Variants in ZCCHC7 observed in about 807,000 individuals in gnomAD.
The protein encoded by ZCCHC7 is zinc finger CCHC-type containing 7, also known as zinc finger CCHC domain-containing protein 7.
A neutral mutation model predicts 52.0 loss-of-function variants in ZCCHC7; 35 were observed. That is an observed-to-expected ratio of 0.67 (90% CI 0.51 to 0.89). ZCCHC7 has a LOEUF of 0.89. Ranked by LOEUF, ZCCHC7 falls within the 40% of genes least tolerant of loss-of-function variation. ZCCHC7 has a pLI of 0.00. For missense variants in ZCCHC7, 574 were observed against 649.1 expected, an observed-to-expected ratio of 0.88 and a Z score of 1.26; for synonymous variants, 217 against 221.5, an observed-to-expected ratio of 0.98 and a Z score of 0.18.
chr9:37,346,978 AG>A (rs1821017813), intron 6 of ZCCHC7, among the ~76,000 whole-genome samples: 1 of 152,156 alleles, frequency 6.6e-6, no homozygotes, highest in Non-Finnish European at 1.5e-5. Flanking sequence ...CTTGGGCAAC[AG>A]GGGAAGACCC....
chr9:37,352,734 C>G (rs1204471075), intron 7 of ZCCHC7, among the ~76,000 whole-genome samples: 2 of 150,714 alleles, frequency 1.3e-5, no homozygotes, highest in African/African-American at 4.9e-5. Flanking sequence ...CCATGTTGGC[C>G]ATCTGTTCTC....
chr9:37,254,245 T>C (rs1313486311), intron 2 of ZCCHC7, among the ~76,000 whole-genome samples: 2 of 152,066 alleles, frequency 1.3e-5, no homozygotes, highest in East Asian at 3.8e-4. Flanking sequence ...ACTAACATAC[T>C]TAAGAGGTAC....
intron 2 of ZCCHC7, among the ~76,000 whole-genome samples, chr9:37,293,442 T>C (rs1828631075): frequency 6.6e-6 from 1 of 152,314 alleles, no homozygotes. Context: ...TATACAGCCT[T>C]TAAATCTTCC....
chr9:37,274,665 T>C (rs1827600239), intron 2 of ZCCHC7, among the ~76,000 whole-genome samples: 1 of 151,676 alleles, frequency 6.6e-6, no homozygotes, highest in Non-Finnish European at 1.5e-5. Flanking sequence ...TTCCTCTTCC[T>C]GTTTAAAAGT....
chr9:37,223,822 T>C (rs1371034920), intron 2 of ZCCHC7, among the ~76,000 whole-genome samples: 1 of 152,080 alleles, frequency 6.6e-6, no homozygotes, highest in African/African-American at 2.4e-5. Context: ...TCTATAACCA[T>C]TGACAGTGAC....
At chr9:37,223,437 A>G (rs1824929821) in intron 2 of ZCCHC7, among the ~76,000 whole-genome samples, 2 of 152,188 alleles carry the variant, frequency 1.3e-5, no homozygotes, top group South Asian at 4.1e-4. Context: ...AATATCTTGA[A>G]TAGGCAGATT....
intron 2 of ZCCHC7, among the ~76,000 whole-genome samples, chr9:37,276,453 C>T (rs954028172): frequency 6.6e-6 from 1 of 152,140 alleles, no homozygotes; most frequent in African/African-American, 2.4e-5. Flanking sequence ...TGGCCAGCTT[C>T]GAGCTTCAGT....
At chr9:37,293,526 A>G (rs761725424) in intron 2 of ZCCHC7, among the ~76,000 whole-genome samples, 7 of 152,132 alleles carry the variant, frequency 4.6e-5, no homozygotes, top group Non-Finnish European at 8.8e-5. Context: ...TTTTACAGAT[A>G]TTGTAAATAT....
intron 2 of ZCCHC7, among the ~76,000 whole-genome samples, chr9:37,131,369 G>T (rs185157445): frequency 8.3e-4 from 125 of 151,482 alleles, no homozygotes; most frequent in African/African-American, 2.6e-3. Context: ...ATACAGGCCG[G>T]GCATGGTGGC....
chr9:37,222,057 A>G (rs1824841492), intron 2 of ZCCHC7, among the ~76,000 whole-genome samples: 1 of 152,150 alleles, frequency 6.6e-6, no homozygotes, highest in East Asian at 1.9e-4. Context: ...GGGAGAGTTG[A>G]TCAGATGGAA....
At chr9:37,139,661 G>C (rs1843140203) in intron 2 of ZCCHC7, among the ~76,000 whole-genome samples, 1 of 151,890 alleles carries the variant, frequency 6.6e-6, no homozygotes, top group African/African-American at 2.4e-5. Context: ...ACGTTTTAAG[G>C]GAAGACAGCA....
chr9:37,294,812 G>C (rs537742662), intron 2 of ZCCHC7, among the ~76,000 whole-genome samples: 2 of 152,110 alleles, frequency 1.3e-5, no homozygotes, highest in East Asian at 3.9e-4. Context: ...TCAGTCCATA[G>C]AGCACTTTGA....
intron 2 of ZCCHC7, among the ~76,000 whole-genome samples, chr9:37,157,153 C>G (rs1480342168): frequency 6.7e-6 from 1 of 149,120 alleles, no homozygotes; most frequent in Non-Finnish European, 1.5e-5. Flanking sequence ...TGACACCAGT[C>G]TGTACTAGTA....
intron 2 of ZCCHC7, among the ~76,000 whole-genome samples, chr9:37,137,720 T>C (rs1843058415): frequency 6.6e-6 from 1 of 152,226 alleles, no homozygotes; most frequent in Non-Finnish European, 1.5e-5. Flanking sequence ...GGTACAACTT[T>C]CACTCCTCAT....
chr9:37,170,622 A>G (rs1017919744), intron 2 of ZCCHC7, among the ~76,000 whole-genome samples: 2 of 152,200 alleles, frequency 1.3e-5, no homozygotes, highest in Non-Finnish European at 2.9e-5. Flanking sequence ...TGCCAATGAA[A>G]CCAAATGGTC....
intron 5 of ZCCHC7, among the ~76,000 whole-genome samples, chr9:37,323,787 C>T (rs1056225421): frequency 6.6e-6 from 1 of 152,040 alleles, no homozygotes; most frequent in Non-Finnish European, 1.5e-5. Context: ...TTATATTTCA[C>T]GTATACTCAA....
intron 2 of ZCCHC7, among the ~76,000 whole-genome samples, chr9:37,214,170 A>G (rs1824384788): frequency 6.6e-6 from 1 of 152,124 alleles, no homozygotes; most frequent in Non-Finnish European, 1.5e-5. Context: ...TAAGTTATCC[A>G]GTAGTTTAAC....
At chr9:37,142,730 C>T (rs1349363543) in intron 2 of ZCCHC7, among the ~76,000 whole-genome samples, 1 of 151,566 alleles carries the variant, frequency 6.6e-6, no homozygotes, top group Non-Finnish European at 1.5e-5. Flanking sequence ...AACTATTCCT[C>T]CTTTTAAAGT....
intron 7 of ZCCHC7, among the ~76,000 whole-genome samples, chr9:37,351,773 C>G (rs1202763362): frequency 6.6e-6 from 1 of 152,212 alleles, no homozygotes; most frequent in Non-Finnish European, 1.5e-5. Flanking sequence ...TTGCTTACCT[C>G]TGTAAAGCAG....
Sources: gnomAD v4.1 joint callset for allele counts (sites outside exome capture counted in the v4.1 genomes callset) on GRCh38, gnomAD v4.1.1 for gene constraint, MANE v1.5 for transcripts, NCBI Gene and HGNC (gene_info 2026-07-23, HGNC 2026-07-21) for gene names.